Variants in SFMBT2 observed in about 807,000 individuals in gnomAD.
The protein encoded by SFMBT2 is scm-like with four MBT domains protein 2.
In SFMBT2, 38 loss-of-function variants were observed where a neutral mutation model predicts 110.1. The observed-to-expected ratio is 0.35, with a 90% CI of 0.27 to 0.45. The LOEUF (loss-of-function observed/expected upper bound fraction) is 0.45, where lower values mean the gene tolerates loss of function less well. Among genes scored for constraint, SFMBT2 ranks in the 20% least tolerant of loss-of-function variants. The probability of loss-of-function intolerance (pLI) is 1.00; values close to 1 mark genes in which losing one functional copy is unlikely to be tolerated. For missense variants in SFMBT2, 1,011 were observed against 1,094.9 expected, an observed-to-expected ratio of 0.92 and a Z score of 1.08; for synonymous variants, 425 against 425.4, an observed-to-expected ratio of 1.00 and a Z score of 0.01.
intron 7 of SFMBT2, among the ~76,000 whole-genome samples, chr10:7,263,514 T>A (rs1404259024): frequency 6.6e-6 from 1 of 152,186 alleles, no homozygotes; most frequent in African/African-American, 2.4e-5. Context: ...AGTGCTGGGA[T>A]TACAGGTGTG....
At chr10:7,164,083 T>G (rs1837627182) in intron 20 of SFMBT2, 173 bp from the exon 21 acceptor site, 1 of 985,442 alleles carries the variant, frequency 1.0e-6, no homozygotes, top group Non-Finnish European at 1.2e-6. Flanking sequence ...GTCTAATCTT[T>G]GTGTTACTAA....
intron 17 of SFMBT2, among the ~76,000 whole-genome samples, chr10:7,174,859 C>T (rs917840357): frequency 3.3e-5 from 5 of 152,202 alleles, no homozygotes; most frequent in Non-Finnish European, 7.3e-5. Context: ...ACCTGAGAGG[C>T]CCTGTGCACA....
At chr10:7,176,880 G>C (rs959230530) in intron 16 of SFMBT2, among the ~76,000 whole-genome samples, 2 of 152,132 alleles carry the variant, frequency 1.3e-5, no homozygotes, top group African/African-American at 4.8e-5. Context: ...AAACAGAATC[G>C]TAAGGGGTCT....
chr10:7,229,594 C>CAAAAA (rs527488752), intron 9 of SFMBT2, among the ~76,000 whole-genome samples: 1 of 116,488 alleles, frequency 8.6e-6, no homozygotes, highest in East Asian at 2.3e-4. Flanking sequence ...GACTCCATCT[C>CAAAAA]AAAAAAAAAA....
At chr10:7,269,707 AGTGTGTGCGTGTGTGTGTGTGTGTGTGT>A (rs1401664944) in intron 7 of SFMBT2, among the ~76,000 whole-genome samples, 9 of 146,438 alleles carry the variant, frequency 6.1e-5, no homozygotes, top group South Asian at 4.3e-4. Context: ...AAAGCAAGTA[AGTGTGTGCGTGTGTGTGTGTGTGTGTGT>A]GTGTGTGTGT....
At chr10:7,330,207 C>A (rs1175521347) in intron 4 of SFMBT2, among the ~76,000 whole-genome samples, 1 of 152,150 alleles carries the variant, frequency 6.6e-6, no homozygotes, top group South Asian at 2.1e-4. Context: ...TGTTTCTGAA[C>A]AACCTGAAAG....
At chr10:7,238,228 G>A (rs1462351968) in intron 9 of SFMBT2, among the ~76,000 whole-genome samples, 1 of 152,212 alleles carries the variant, frequency 6.6e-6, no homozygotes, top group African/African-American at 2.4e-5. Context: ...CTAGCGGCCT[G>A]AAACAGGTGG....
intron 4 of SFMBT2, among the ~76,000 whole-genome samples, chr10:7,343,413 GA>G (rs755062614): frequency 1.2e-4 from 19 of 152,288 alleles, no homozygotes; most frequent in Middle Eastern, 3.4e-3. Context: ...GCCCATAAGG[GA>G]CTGTTGAGTT....
intron 17 of SFMBT2, among the ~76,000 whole-genome samples, chr10:7,173,418 G>A (rs771851147): frequency 2.0e-5 from 3 of 152,134 alleles, no homozygotes; most frequent in Admixed American, 6.5e-5. Context: ...CTCTTGGTCC[G>A]ACCAAGATAA....
At chr10:7,395,682 AT>A in intron 1 of SFMBT2, among the ~76,000 whole-genome samples, 1 of 131,308 alleles carries the variant, frequency 7.6e-6, no homozygotes, top group African/African-American at 2.9e-5. Context: ...TGAGTTTTAC[AT>A]TTTAATTTCT....
chr10:7,164,036 G>T, intron 20 of SFMBT2, 126 bp from the exon 21 acceptor site: 2 of 1,397,036 alleles, frequency 1.4e-6, no homozygotes, highest in South Asian at 1.7e-5. Flanking sequence ...TCAATTCAGG[G>T]GATTGTTGGT....
At chr10:7,339,588 A>G (rs1843826616) in intron 4 of SFMBT2, among the ~76,000 whole-genome samples, 1 of 152,192 alleles carries the variant, frequency 6.6e-6, no homozygotes, top group Non-Finnish European at 1.5e-5. Context: ...TGTGATCTTC[A>G]TCACCCCTAA....
intron 7 of SFMBT2, among the ~76,000 whole-genome samples, chr10:7,254,645 C>A (rs1352534418): frequency 2.6e-5 from 4 of 151,958 alleles, no homozygotes; most frequent in Admixed American, 2.6e-4. Context: ...CATGGTGAAA[C>A]CCCATCTCTA....
chr10:7,334,173 C>T (rs906458739), intron 4 of SFMBT2, among the ~76,000 whole-genome samples: 1 of 152,150 alleles, frequency 6.6e-6, no homozygotes, highest in East Asian at 1.9e-4. Context: ...AAAAGGCAAG[C>T]GTCATCCACA....
chr10:7,314,982 A>G (rs867589529), intron 4 of SFMBT2, among the ~76,000 whole-genome samples: 1 of 148,042 alleles, frequency 6.8e-6, no homozygotes, highest in African/African-American at 2.6e-5. Context: ...GAGAGGGAGA[A>G]AGAGAAAGAA....
Position 7,202,496 on chromosome 10 carries a change from C to A in SFMBT2, c.1471G>T (p.Val491Leu), listed in dbSNP as rs138486122. The A allele has an allele frequency of 6.8e-6, 11 of 1,613,996 alleles. No individual in the cohort carries two copies. The highest frequency in any genetic ancestry group is 8.5e-6 in the Non-Finnish European group (10 of 1,180,024). Residue 491 changes from valine (V) to leucine (L), a missense_variant, in exon 13 of 21, where the codon GTG (valine) becomes TTG (leucine). Coordinates refer to ENST00000397167, the MANE Select transcript of SFMBT2 (RefSeq NM_001387889.1). ...AGCACGTACTGTTTCTCTGGTTGCA[C>A]GACTGCAATCTTTCTCTTCTTTTGT... Reference protein sequence around the residue: ...VSQKKRKIAVVQPEKQLPPTV... With the variant: ...VSQKKRKIAVLQPEKQLPPTV...
chr10:7,172,127 T>A lies in SFMBT2; in HGVS notation c.2183A>T (p.Asp728Val). ...ESEEEDADAM[D>V]DDTASEETGS... ...GGTCTCCTCACTGGCGGTGTCATCG[T>A]CCATGGCGTCAGCGTCCTCCTCTTC... is the stretch of plus-strand genomic sequence containing the variant. The change falls in exon 19 of 21, where the codon GAC (aspartate) becomes GTC (valine). Residue 728 changes from aspartate to valine, a missense_variant. Physicochemically the swap from Asp to Val is radical, Grantham distance 152. Coordinates refer to ENST00000397167, the MANE Select transcript of SFMBT2 (RefSeq NM_001387889.1). This position sits in a 1 kb window ranked among gnomAD's most constrained non-coding sequence, Gnocchi z 4.6. 1 of 1,575,432 alleles carries A rather than the reference T, an allele frequency of 6.3e-7. No individual in the cohort carries two copies. Among genetic ancestry groups the A allele is most frequent in the East Asian group, 2.3e-5 (1 of 44,184 alleles).
Position 7,170,787 on chromosome 10 carries a change from G to A in SFMBT2, c.2544+141C>T. 1 of 943,122 alleles carries A rather than the reference G, an allele frequency of 1.1e-6. No individual in the cohort carries two copies. Among genetic ancestry groups the A allele is most frequent in the Non-Finnish European group, 1.6e-6 (1 of 624,304 alleles). 58.4% of individuals were successfully genotyped at this position (943,122 alleles called of 1,614,324 possible). On this transcript the variant is annotated intron_variant, in intron 20 of 20. Coordinates refer to ENST00000397167, the MANE Select transcript of SFMBT2 (RefSeq NM_001387889.1). The surrounding 1 kb of genome is among the most constrained non-coding windows in gnomAD (Gnocchi z 4.6). The stretch of plus-strand genomic sequence containing the variant: ...GCAGCTCTCAGCAGGGGCCTTGGAG[G>A]GAGAAGGGTCTCGCACACCTGCCGA...
intron 15 of SFMBT2, among the ~76,000 whole-genome samples, chr10:7,194,669 T>C (rs1838714368): frequency 6.6e-6 from 1 of 152,234 alleles, no homozygotes; most frequent in Admixed American, 6.5e-5. Flanking sequence ...ATTAGCTTGG[T>C]GGCACTTACA....
Sources: allele counts gnomAD v4.1 joint callset (sites outside exome capture counted in the v4.1 genomes callset), GRCh38; gene constraint gnomAD v4.1.1; non-coding constraint Gnocchi (gnomAD v3.1); transcripts MANE v1.5; gene names NCBI Gene and HGNC (gene_info 2026-07-23, HGNC 2026-07-21).